The following UBE4B variants were observed in gnomAD, a reference collection of about 807,000 sequenced individuals.
UBE4B encodes the protein ubiquitin conjugation factor E4 B.
In UBE4B, 27 loss-of-function variants were observed where a neutral mutation model predicts 148.1. The ratio of observed to expected loss-of-function variants is 0.18; its 90% confidence interval spans 0.13 to 0.25. UBE4B has a LOEUF of 0.25. Among genes scored for constraint, UBE4B ranks in the 10% least tolerant of loss-of-function variants. UBE4B has a pLI of 1.00. For missense variants in UBE4B, 1,170 were observed against 1,662.4 expected, an observed-to-expected ratio of 0.70 and a Z score of 5.15; for synonymous variants, 596 against 619.3, an observed-to-expected ratio of 0.96 and a Z score of 0.56.
intron 1 of UBE4B, among the ~76,000 whole-genome samples, chr1:10,048,964 T>TAAAAAA (rs1286325479): frequency 6.6e-6 from 1 of 152,210 alleles, no homozygotes; most frequent in East Asian, 1.9e-4. Context: ...ACTCTGTTTC[T>TAAAAAA]CTCTCTTTCC....
At chr1:10,119,470 T>C (rs745349207) in intron 8 of UBE4B, 43 bp from the exon 9 acceptor site, 1 of 1,583,716 alleles carries the variant, frequency 6.3e-7, no homozygotes, top group Non-Finnish European at 8.7e-7. Flanking sequence ...TGGAATTGTA[T>C]TGTTTGTTTC....
At chr1:10,171,085 C>A in intron 24 of UBE4B, 53 bp from the exon 25 acceptor site, 1 of 1,544,244 alleles carries the variant, frequency 6.5e-7, no homozygotes, top group South Asian at 1.3e-5. Context: ...GTTTTTGGTC[C>A]TTTTCACTTG....
intron 2 of UBE4B, among the ~76,000 whole-genome samples, chr1:10,086,223 G>A (rs548655603): frequency 1.0e-3 from 155 of 151,972 alleles, no homozygotes; most frequent in African/African-American, 3.1e-3. Flanking sequence ...TATCTGCCTC[G>A]GCCTCCCAAA....
intron 1 of UBE4B, among the ~76,000 whole-genome samples, chr1:10,056,988 A>AT (rs769973260): frequency 1.7e-3 from 245 of 142,970 alleles, no homozygotes; most frequent in East Asian, 3.1e-3. Context: ...TCATTTTTGT[A>AT]TTTTTTTTTT....
intron 1 of UBE4B, among the ~76,000 whole-genome samples, chr1:10,043,074 A>G (rs1162754526): frequency 6.6e-6 from 1 of 151,286 alleles, no homozygotes; most frequent in Admixed American, 6.6e-5. Flanking sequence ...CAGTGGCTCA[A>G]TGTCAGCTCA....
intron 23 of UBE4B, chr1:10,163,143 C>A (rs1646193069): frequency 6.6e-6 from 1 of 152,006 alleles, no homozygotes; most frequent in South Asian, 2.1e-4. Context: ...ACCACAGCCT[C>A]AACCTCCTGG....
intron 16 of UBE4B, 60 bp downstream of exon 16, chr1:10,135,246 A>G: frequency 6.8e-7 from 1 of 1,477,596 alleles, no homozygotes; most frequent in South Asian, 1.2e-5. Flanking sequence ...GTGTGCTAGT[A>G]GTTCCTCACA....
chr1:10,163,622 C>T (rs969352024), intron 23 of UBE4B, among the ~76,000 whole-genome samples: 23 of 151,698 alleles, frequency 1.5e-4, no homozygotes, highest in African/African-American at 5.1e-4. Flanking sequence ...GAGCCAAGAT[C>T]GCACCACTGC....
In UBE4B at chr1:10,106,026, G is replaced by A. The variant is rs572550915; in HGVS notation, c.810-171G>A. ...GGGACTTTATCGTCTTGTAAGTATA[G>A]CCTCTAGATCAATAGGGCAATTAGA... is the stretch of plus-strand genomic sequence containing the variant. On this transcript the variant is annotated intron_variant, in intron 6 of 27. Coordinates refer to ENST00000343090, the MANE Select transcript of UBE4B (RefSeq NM_001105562.3). This position sits in a 1 kb window ranked among gnomAD's most constrained non-coding sequence, Gnocchi z 4.2. Among the ~76,000 whole-genome samples the A allele has an allele frequency of 6.6e-6, 1 of 152,186 alleles. No individual in the cohort carries two copies. Among genetic ancestry groups the A allele is most frequent in the South Asian group, 2.1e-4 (1 of 4,818 alleles).
At chr1:10,175,127 C>G (rs912726367) in intron 25 of UBE4B, among the ~76,000 whole-genome samples, 5 of 152,108 alleles carry the variant, frequency 3.3e-5, no homozygotes, top group African/African-American at 1.2e-4. Context: ...AGCCACTGAG[C>G]TTGATGCTCA....
chr1:10,072,266 T>A, intron 2 of UBE4B, 52 bp downstream of exon 2: 1 of 1,576,462 alleles, frequency 6.3e-7, no homozygotes, highest in Non-Finnish European at 8.6e-7. Flanking sequence ...CTTAGCTTTT[T>A]GTTAAGCTGA....
intron 1 of UBE4B, among the ~76,000 whole-genome samples, chr1:10,052,452 C>G (rs1008581275): frequency 6.6e-6 from 1 of 152,132 alleles, no homozygotes; most frequent in Non-Finnish European, 1.5e-5. Flanking sequence ...AATTGAACTT[C>G]TAAGATGTCC....
chr1:10,160,194 C>A (rs1179831106), intron 22 of UBE4B, among the ~76,000 whole-genome samples: 1 of 152,284 alleles, frequency 6.6e-6, no homozygotes, highest in Admixed American at 6.5e-5. Flanking sequence ...CAGAACAGTT[C>A]CTTAGATTGG....
Position 10,147,005 on chromosome 1 carries a change from G to C in UBE4B, c.2506G>C (p.Asp836His), listed in dbSNP as rs759935288. 1.9e-6 allele frequency: 3 copies of C among 1,613,986 alleles called. No homozygotes were observed. The highest frequency in any genetic ancestry group is 2.7e-5 in the African/African-American group (2 of 74,896). Residue 836 changes from aspartate (D) to histidine (H), a missense_variant, in exon 19 of 28, where the codon GAC becomes CAC. Asp to His is a moderately conservative substitution (Grantham distance 81). Coordinates refer to ENST00000343090, the MANE Select transcript of UBE4B (RefSeq NM_001105562.3). ...CKACADAGLL[D>H]ESFLRRCLNF... is the part of the protein sequence containing the mutation. ...GGCCTGTGCTGATGCTGGCCTACTT[G>C]ACGAGAGCTTCCTGAGAAGATGTCT...
At chr1:10,070,080 G>A (rs1210822833) in intron 1 of UBE4B, among the ~76,000 whole-genome samples, 2 of 151,980 alleles carry the variant, frequency 1.3e-5, no homozygotes, top group Admixed American at 6.6e-5. Context: ...TTTGAGACCA[G>A]CCTGGGCAAC....
At chr1:10,126,176 G>A (rs763926732) in intron 10 of UBE4B, among the ~76,000 whole-genome samples, 3 of 152,024 alleles carry the variant, frequency 2.0e-5, no homozygotes, top group Non-Finnish European at 4.4e-5. Flanking sequence ...GCACATGCCT[G>A]TAATCCCAGC....
intron 1 of UBE4B, chr1:10,059,488 G>A: frequency 4.6e-6 from 1 of 215,808 alleles, no homozygotes. Flanking sequence ...GCCTTGGGAG[G>A]CTCTCCCGGA....
At chr1:10,158,083 G>T (rs535031192) in intron 21 of UBE4B, among the ~76,000 whole-genome samples, 2 of 152,238 alleles carry the variant, frequency 1.3e-5, no homozygotes, top group South Asian at 4.1e-4. Context: ...TCAGCTTTTG[G>T]TCATTGGTAA....
intron 25 of UBE4B, among the ~76,000 whole-genome samples, chr1:10,173,960 T>TG (rs1399065240): frequency 6.6e-6 from 1 of 152,218 alleles, no homozygotes; most frequent in Non-Finnish European, 1.5e-5. Context: ...TGGCCTCTGG[T>TG]GGCACCTGGC....
Sources: gnomAD v4.1 joint callset for allele counts (sites outside exome capture counted in the v4.1 genomes callset) on GRCh38, gnomAD v4.1.1 for gene constraint, Gnocchi (gnomAD v3.1) non-coding constraint, MANE v1.5 for transcripts, NCBI Gene and HGNC (gene_info 2026-07-23, HGNC 2026-07-21) for gene names.